CDK13: variants seen among roughly 807,000 people sequenced by gnomAD.
CDK13 encodes the protein cyclin dependent kinase 13.
A neutral mutation model predicts 137.6 loss-of-function variants in CDK13; 40 were observed. That is an observed-to-expected ratio of 0.29 (90% CI 0.23 to 0.38). The LOEUF (loss-of-function observed/expected upper bound fraction) is 0.38. Among genes scored for constraint, CDK13 ranks in the 10% least tolerant of loss-of-function variants. The pLI is 1.00. For missense variants in CDK13, 1,704 were observed against 1,951.8 expected, an observed-to-expected ratio of 0.87 and a Z score of 2.39; for synonymous variants, 869 against 760.1, an observed-to-expected ratio of 1.14 and a Z score of -2.36.
intron 1 of CDK13, among the ~76,000 whole-genome samples, chr7:39,975,173 G>A (rs1359304178): frequency 2.0e-5 from 3 of 152,132 alleles, no homozygotes; most frequent in Non-Finnish European, 4.4e-5. Flanking sequence ...CAGCACTTTG[G>A]GAGGCCGAGG....
chr7:40,004,007 C>T (rs966698392), intron 5 of CDK13, among the ~76,000 whole-genome samples: 6 of 152,176 alleles, frequency 3.9e-5, no homozygotes, highest in African/African-American at 1.4e-4. Context: ...TGTTTCTGTA[C>T]AGATAGCTGG....
In CDK13 at chr7:40,020,166, C is replaced by T. The variant is rs1055005591; in HGVS notation, c.2353+18135C>T. Among the ~76,000 whole-genome samples the T allele has an allele frequency of 2.0e-5, 3 of 152,236 alleles. No individual in the cohort carries two copies. In the East Asian group the frequency reaches 5.8e-4, roughly 29 times the overall value. Reference sequence around the variant, plus strand: ...CACTGCAACCTTCAGCTCCTGGGCTCAAGGGATTCTCCTGCTTCAGCTTCC... The same window carrying T: ...CACTGCAACCTTCAGCTCCTGGGCTTAAGGGATTCTCCTGCTTCAGCTTCC... On this transcript the variant is annotated intron_variant, in intron 5 of 13. Transcript: ENST00000181839.
chr7:39,956,176 G>T (rs1193602904), intron 1 of CDK13, among the ~76,000 whole-genome samples: 4 of 152,042 alleles, frequency 2.6e-5, no homozygotes, highest in Non-Finnish European at 5.9e-5. Context: ...TAGGTGAATG[G>T]AATTCTTAAA....
intron 5 of CDK13, among the ~76,000 whole-genome samples, chr7:40,019,105 G>A (rs1382875644): frequency 1.3e-5 from 2 of 152,118 alleles, no homozygotes; most frequent in African/African-American, 4.8e-5. Flanking sequence ...TGTTTACAAA[G>A]GACTAGGTAA....
At chr7:40,011,773 A>G (rs1397613969) in intron 5 of CDK13, among the ~76,000 whole-genome samples, 1 of 152,234 alleles carries the variant, frequency 6.6e-6, no homozygotes, top group African/African-American at 2.4e-5. Context: ...CAAAAGAAAA[A>G]AAATAGATAA....
intron 1 of CDK13, among the ~76,000 whole-genome samples, chr7:39,961,456 C>G (rs1783722423): frequency 6.6e-6 from 1 of 152,142 alleles, no homozygotes; most frequent in African/African-American, 2.4e-5. Flanking sequence ...TTACTTCTGT[C>G]TATCTGAAAC....
intron 9 of CDK13, among the ~76,000 whole-genome samples, chr7:40,077,499 T>C (rs10277422): frequency 0.19 from 29,661 of 152,250 alleles, 3,070 homozygotes; most frequent in Middle Eastern, 0.31. Flanking sequence ...AATGCTTGGA[T>C]TGTTAAAAGT....
At chr7:39,999,186 C>T (rs965983713) in intron 3 of CDK13, 175 bp from the exon 4 acceptor site, 13 of 446,300 alleles carry the variant, frequency 2.9e-5, no homozygotes, top group East Asian at 1.8e-4. Context: ...TCAGTTTTTA[C>T]GATAACTTAC....
chr7:39,984,372 C>T (rs1784293654), intron 1 of CDK13: 1 of 150,024 alleles, frequency 6.7e-6, no homozygotes, highest in Non-Finnish European at 1.5e-5. Context: ...GGTAGTATCT[C>T]TGCACTCCAG....
At chr7:39,963,958 C>T (rs939632990) in intron 1 of CDK13, among the ~76,000 whole-genome samples, 4 of 152,184 alleles carry the variant, frequency 2.6e-5, no homozygotes, top group Non-Finnish European at 4.4e-5. Context: ...CCTTGCATCC[C>T]AGGGATGAAG....
intron 5 of CDK13, among the ~76,000 whole-genome samples, chr7:40,030,975 G>C (rs907707452): frequency 6.6e-6 from 1 of 152,190 alleles, no homozygotes; most frequent in African/African-American, 2.4e-5. Flanking sequence ...ATATTTGTAT[G>C]CAGGTTTTTG....
chr7:39,997,857 C>T (rs1784596554), intron 3 of CDK13, 193 bp downstream of exon 3: 1 of 501,348 alleles, frequency 2.0e-6, no homozygotes, highest in South Asian at 2.6e-5. Context: ...CTAATAAAAC[C>T]AAATTTAATT....
chr7:40,094,020 A>G, intron 13 of CDK13, 110 bp from the exon 14 acceptor site: 2 of 1,286,018 alleles, frequency 1.6e-6, no homozygotes, highest in Non-Finnish European at 2.1e-6. Flanking sequence ...ATTTTGCCAG[A>G]GATGGAACTT....
chr7:39,997,738 T>C, intron 3 of CDK13, 74 bp downstream of exon 3: 1 of 1,060,658 alleles, frequency 9.4e-7, no homozygotes, highest in Non-Finnish European at 1.4e-6. Flanking sequence ...CATAAAACAC[T>C]AAATTAAGGT....
At chr7:40,088,052 T>C (rs996550464) in intron 11 of CDK13, 74 bp from the exon 12 acceptor site, 4 of 1,240,350 alleles carry the variant, frequency 3.2e-6, no homozygotes, top group Non-Finnish European at 4.6e-6. Context: ...GGCATAACTT[T>C]GTTGCTATAT....
chr7:40,070,140 T>C (rs919098991), intron 9 of CDK13: 3 of 148,044 alleles, frequency 2.0e-5, no homozygotes, highest in African/African-American at 5.0e-5. Flanking sequence ...CTCAGGAGGC[T>C]GAGGCAGGAG....
chr7:40,002,151 A>T (rs911792934), intron 5 of CDK13, 120 bp downstream of exon 5: 4 of 618,652 alleles, frequency 6.5e-6, no homozygotes, highest in African/African-American at 3.7e-5. Flanking sequence ...TAATCGTGAA[A>T]CTATATTTTT....
At chr7:40,047,406 T>C (rs1785771290) in intron 6 of CDK13, among the ~76,000 whole-genome samples, 2 of 152,174 alleles carry the variant, frequency 1.3e-5, no homozygotes, top group African/African-American at 4.8e-5. Flanking sequence ...AACTGGAGAA[T>C]TAAACAAATT....
At position 39,950,575 on chromosome 7, in the gene CDK13, G is replaced by A; in HGVS notation, c.-67G>A. ...GCCGCCGCTCCCGTTTCCGGCGGGG[G>A]AGATGGCCAGGATCTGACCCGGGAG... On this transcript the variant is annotated 5_prime_UTR_variant, in exon 1 of 14. Coordinates refer to ENST00000181839, the MANE Select transcript of CDK13 (RefSeq NM_003718.5). 1.3e-5 allele frequency: 16 copies of A among 1,272,406 alleles called. No homozygotes were observed. The highest frequency in any genetic ancestry group is 1.6e-5 in the Non-Finnish European group (16 of 1,009,580). The allele number at this position is 1,272,406 out of a possible 1,614,324, so 78.8% of individuals were successfully genotyped here. A position where few individuals can be genotyped will look rare whatever the true frequency, so the allele number is the denominator to read the frequency against.
Sources: gnomAD v4.1 joint callset for allele counts (sites outside exome capture counted in the v4.1 genomes callset) on GRCh38, gnomAD v4.1.1 for gene constraint, MANE v1.5 for transcripts, NCBI Gene and HGNC (gene_info 2026-07-23, HGNC 2026-07-21) for gene names.